Variants in CELF2 observed in about 807,000 individuals in gnomAD.
CELF2 encodes the protein CUG triplet repeat RNA-binding protein 2.
In CELF2, 8 loss-of-function variants were observed where a neutral mutation model predicts 62.6. The ratio of observed to expected loss-of-function variants is 0.13; its 90% CI spans 0.07 to 0.23. The LOEUF (loss-of-function observed/expected upper bound fraction) is 0.23. Ranked by LOEUF, CELF2 falls within the 10% of genes least tolerant of loss-of-function variation. The probability of loss-of-function intolerance (pLI) is 1.00; values close to 1 mark genes in which losing one functional copy is unlikely to be tolerated. For missense variants in CELF2, 333 were observed against 671.0 expected (o/e 0.50, Z 5.56); for synonymous variants, 258 against 250.0 (o/e 1.03, Z -0.30).
rs1434386081 is a variant in CELF2 at position 11,246,443 on chromosome 10, C to G, written c.355-2710C>G. Among the ~76,000 whole-genome samples the G allele has an allele frequency of 6.6e-6, 1 of 152,108 alleles. No homozygotes were observed. The highest frequency in any genetic ancestry group is 1.5e-5 in the Non-Finnish European group (1 of 68,020). Reference sequence around the variant, plus strand: ...GCAGGTGACCTCAAAATAGAAGAAGCCCTCATTCACCCTATCTACTGTTAC... The same window carrying G: ...GCAGGTGACCTCAAAATAGAAGAAGGCCTCATTCACCCTATCTACTGTTAC... On this transcript the variant is annotated intron_variant, in intron 3 of 12. Transcript: ENST00000633077. The surrounding 1 kb of genome is among the most constrained non-coding windows in gnomAD (Gnocchi z 4.6).
At chr10:10,651,741 C>G in the CELF2 span, among the ~76,000 whole-genome samples, 1 of 151,618 alleles carries the variant, frequency 6.6e-6, no homozygotes, top group Non-Finnish European at 1.5e-5. Context: ...CATCAAAGAC[C>G]AAAAGTAGAT....
intron 2 of CELF2, among the ~76,000 whole-genome samples, chr10:10,967,918 G>GCA (rs112085743): frequency 0.13 from 19,562 of 149,348 alleles, 4,067 homozygotes; most frequent in African/African-American, 0.44. Context: ...ATTAAGGTAA[G>GCA]CACACACACA....
At chr10:10,741,575 G>C in the CELF2 span, among the ~76,000 whole-genome samples, 1 of 149,854 alleles carries the variant, frequency 6.7e-6, no homozygotes, top group African/African-American at 2.4e-5. Context: ...CCCTCATTTA[G>C]AGTTTGTCTG....
At chr10:11,152,345 A>T (rs2063497190) in intron 1 of CELF2, among the ~76,000 whole-genome samples, 1 of 152,190 alleles carries the variant, frequency 6.6e-6, no homozygotes, top group Non-Finnish European at 1.5e-5. Flanking sequence ...GTGACAACGC[A>T]TTGTTCATCA....
rs2095454815 is a variant in CELF2 at position 11,321,801 on chromosome 10, T to C, written c.1294+415T>C. ...TCTCTTCAGATGAAGTTCTTGTCCATTGTATATTTATATACCACTCTGGCT... is the reference window on the plus strand; with the variant it reads ...TCTCTTCAGATGAAGTTCTTGTCCACTGTATATTTATATACCACTCTGGCT... On this transcript the variant is annotated intron_variant, in intron 11 of 12. Coordinates refer to ENST00000633077, the MANE Select transcript of CELF2 (RefSeq NM_001326342.2). The surrounding 1 kb of genome is among the most constrained non-coding windows in gnomAD (Gnocchi z 6.2). Among the ~76,000 whole-genome samples, 1 of 152,222 alleles carries C rather than the reference T, an allele frequency of 6.6e-6. No individual in the cohort carries two copies. Among genetic ancestry groups the C allele is most frequent in the Non-Finnish European group, 1.5e-5 (1 of 68,042 alleles).
intron 1 of CELF2, among the ~76,000 whole-genome samples, chr10:11,043,028 A>G (rs145562664): frequency 1.3e-5 from 2 of 152,338 alleles, no homozygotes; most frequent in Non-Finnish European, 2.9e-5. Flanking sequence ...CCTCCTGTGT[A>G]TATGCCTAGG....
In CELF2 at chr10:11,316,398, A is replaced by G. The variant is rs2094984165; in HGVS notation, c.1096+2140A>G. Among the ~76,000 whole-genome samples the G allele has an allele frequency of 6.6e-6, 1 of 152,242 alleles. No individual in the cohort carries two copies. ...AATGCAGAGCCGTTTTACAATCTCCAGCATTGACCTCGAGCTAATATTTGC... is the reference window on the plus strand; with the variant it reads ...AATGCAGAGCCGTTTTACAATCTCCGGCATTGACCTCGAGCTAATATTTGC... On this transcript the variant is annotated intron_variant, in intron 10 of 12. Coordinates refer to ENST00000633077, the MANE Select transcript of CELF2 (RefSeq NM_001326342.2). The surrounding 1 kb of genome is among the most constrained non-coding windows in gnomAD (Gnocchi z 4.4).
At chr10:11,158,246 C>G (rs2064957966) in intron 1 of CELF2, among the ~76,000 whole-genome samples, 1 of 152,316 alleles carries the variant, frequency 6.6e-6, no homozygotes, top group South Asian at 2.1e-4. Flanking sequence ...TACCCTAGAC[C>G]TGCTGTAGAA....
chr10:10,642,713 A>G, the CELF2 span, among the ~76,000 whole-genome samples: 1 of 152,244 alleles, frequency 6.6e-6, no homozygotes, highest in Non-Finnish European at 1.5e-5. Flanking sequence ...TAAAAATAGC[A>G]AAAGGAATGA....
intron 1 of CELF2, among the ~76,000 whole-genome samples, chr10:11,109,356 T>C (rs1172302391): frequency 1.3e-5 from 2 of 152,218 alleles, no homozygotes; most frequent in Non-Finnish European, 1.5e-5. Flanking sequence ...GCAAACAGAC[T>C]TGGGCATCAT....
Position 10,938,761 on chromosome 10 carries a change from T to A in CELF2, c.89+18762T>A, listed in dbSNP as rs1265552210. On this transcript the variant is annotated intron_variant, in intron 2 of 13. Coordinates refer to the CELF2 transcript ENST00000636488. This position sits in a 1 kb window ranked among gnomAD's most constrained non-coding sequence, Gnocchi z 4.2. Reference sequence around the variant, plus strand: ...ATGGGGGAGGTCAGCAAAGCCTGAGTGTAGGTGGGTTAGTGCCTGGACAAC... The same window carrying A: ...ATGGGGGAGGTCAGCAAAGCCTGAGAGTAGGTGGGTTAGTGCCTGGACAAC... Among the ~76,000 whole-genome samples, 5 of 151,930 alleles carry A rather than the reference T, an allele frequency of 3.3e-5. No homozygotes were observed. The South Asian group carries it at 1.0e-3, about 32-fold the overall frequency.
chr10:10,574,663 C>A, the CELF2 span, among the ~76,000 whole-genome samples: 7 of 152,006 alleles, frequency 4.6e-5, no homozygotes, highest in South Asian at 4.2e-4. Context: ...TACAAACAAC[C>A]CAAACATTGT....
intron 2 of CELF2, among the ~76,000 whole-genome samples, chr10:10,982,122 AT>A (rs1014796325): frequency 6.6e-6 from 1 of 151,666 alleles, no homozygotes; most frequent in African/African-American, 2.4e-5. Flanking sequence ...TGGCTGGCTA[AT>A]TTTTTTATTT....
chr10:10,605,195 C>T, the CELF2 span, among the ~76,000 whole-genome samples: 1 of 152,056 alleles, frequency 6.6e-6, no homozygotes, highest in African/African-American at 2.4e-5. Context: ...ACCACATATT[C>T]TCACATATAA....
At chr10:10,557,270 G>A in the CELF2 span, among the ~76,000 whole-genome samples, 1 of 148,942 alleles carries the variant, frequency 6.7e-6, no homozygotes, top group Non-Finnish European at 1.5e-5. Flanking sequence ...AGTTTTCCCA[G>A]CACCATTTAT....
At chr10:10,706,635 A>T in the CELF2 span, among the ~76,000 whole-genome samples, 2 of 151,790 alleles carry the variant, frequency 1.3e-5, no homozygotes, top group Non-Finnish European at 2.9e-5. Context: ...ACGGACAGCA[A>T]GGGCCCAAGT....
the CELF2 span, among the ~76,000 whole-genome samples, chr10:10,634,787 G>A: frequency 3.3e-5 from 5 of 151,582 alleles, no homozygotes; most frequent in South Asian, 4.2e-4. Flanking sequence ...TCAGCCTCCC[G>A]AGTAGCTGGG....
chr10:10,787,831 G>A, the CELF2 span, among the ~76,000 whole-genome samples: 1 of 152,000 alleles, frequency 6.6e-6, no homozygotes, highest in African/African-American at 2.4e-5. Context: ...TGACTATCCA[G>A]AGAAGCATGT....
the CELF2 span, among the ~76,000 whole-genome samples, chr10:10,699,514 T>C: frequency 6.6e-6 from 1 of 152,180 alleles, no homozygotes; most frequent in South Asian, 2.1e-4. Flanking sequence ...AAATAAGCGA[T>C]CATGAAAGCA....
Sources: allele counts gnomAD v4.1 joint callset (sites outside exome capture counted in the v4.1 genomes callset), GRCh38; gene constraint gnomAD v4.1.1; non-coding constraint Gnocchi (gnomAD v3.1); transcripts MANE v1.5; gene names NCBI Gene and HGNC (gene_info 2026-07-23, HGNC 2026-07-21).